The following FANCB variants were observed in gnomAD, a reference collection of about 807,000 sequenced individuals.
FANCB encodes the protein FA complementation group B.
Under a neutral mutation model 38.9 loss-of-function variants are expected in FANCB, and 5 were observed. That is an observed-to-expected ratio of 0.13 (90% CI 0.07 to 0.27). FANCB has a LOEUF of 0.27. FANCB is among the 10% of genes least tolerant of loss of function. FANCB has a pLI of 1.00. For synonymous variants in FANCB, 236 were observed against 215.4 expected, an observed-to-expected ratio of 1.10 and a Z score of -0.84; for missense variants, 573 against 602.7, an observed-to-expected ratio of 0.95 and a Z score of 0.52.
the FANCB span, among the ~76,000 whole-genome samples, chrX:14,783,677 G>T: frequency 9.0e-6 from 1 of 111,524 alleles, no homozygotes; most frequent in Non-Finnish European, 1.9e-5. Context: ...GAACCCAAAA[G>T]GTAAGAATAT....
chrX:14,692,091 T>G, the FANCB span, among the ~76,000 whole-genome samples: 1 of 111,974 alleles, frequency 8.9e-6, no homozygotes, highest in African/African-American at 3.2e-5. Context: ...TCTGACTGCA[T>G]CCACTGAAAG....
Position 14,837,001 on chromosome X carries a change from T to G in FANCB, c.*1567-746A>C, listed in dbSNP as rs2092342944. Among the ~76,000 whole-genome samples the G allele has an allele frequency of 3.6e-5, 4 of 112,370 alleles. No homozygotes were observed. The South Asian group carries it at 1.1e-3, about 31-fold the overall frequency. On this transcript the variant is annotated intron_variant and NMD_transcript_variant, in intron 10 of 10. Coordinates refer to the FANCB transcript ENST00000643728. Reference sequence around the variant, plus strand: ...GTCTTAAATTTATCTGGCACCTAGATGTGCATGAGAATGTGTTCAATGAAA... The same window carrying G: ...GTCTTAAATTTATCTGGCACCTAGAGGTGCATGAGAATGTGTTCAATGAAA...
chrX:14,691,271 CTGTGTGTGTGTGTG>C, the FANCB span, among the ~76,000 whole-genome samples: 1,481 of 85,255 alleles, frequency 0.017, 32 homozygotes, highest in African/African-American at 0.053. Flanking sequence ...TAAATATTGA[CTGTGTGTGTGTGTG>C]TGTGTGTGTG....
intron 4 of FANCB, among the ~76,000 whole-genome samples, chrX:14,858,266 G>A (rs990565400): frequency 3.1e-4 from 34 of 109,843 alleles, no homozygotes; most frequent in African/African-American, 9.6e-4. Context: ...ATAGTGGCGC[G>A]CACCTGTAAT....
chrX:14,716,997 T>G, the FANCB span, among the ~76,000 whole-genome samples: 1 of 110,799 alleles, frequency 9.0e-6, no homozygotes, highest in Non-Finnish European at 1.9e-5. Flanking sequence ...ATATGCCTCC[T>G]ATTATACTCT....
At chrX:14,848,373 G>A (rs1302585624) in intron 7 of FANCB, among the ~76,000 whole-genome samples, 1 of 111,543 alleles carries the variant, frequency 9.0e-6, no homozygotes, top group Non-Finnish European at 1.9e-5. Context: ...CTCTGGGAAT[G>A]GAATGCGACC....
At chrX:14,756,330 A>G in the FANCB span, among the ~76,000 whole-genome samples, 1 of 112,154 alleles carries the variant, frequency 8.9e-6, no homozygotes, top group African/African-American at 3.2e-5. Flanking sequence ...ACAGGATTAC[A>G]TCAAACTAAA....
At chrX:14,857,732 A>C (rs774806710) in intron 5 of FANCB, 130 bp downstream of exon 5, 29 of 531,135 alleles carry the variant, frequency 5.5e-5, no homozygotes, top group Non-Finnish European at 8.0e-5. Context: ...CAAAAAGATA[A>C]AGATCCTTTG....
chrX:14,809,717 C>A, the FANCB span, among the ~76,000 whole-genome samples: 1,595 of 112,803 alleles, frequency 0.014, 26 homozygotes, highest in African/African-American at 0.041. Context: ...CTCAAGGAGG[C>A]CTGCCTGCCT....
the FANCB span, among the ~76,000 whole-genome samples, chrX:14,734,761 T>A: frequency 2.7e-5 from 3 of 110,980 alleles, no homozygotes; most frequent in Admixed American, 2.9e-4. Flanking sequence ...TGAATTTGAA[T>A]GTTGGCCTGT....
chrX:14,693,775 A>G, the FANCB span, among the ~76,000 whole-genome samples: 1 of 112,249 alleles, frequency 8.9e-6, no homozygotes, highest in Non-Finnish European at 1.9e-5. Flanking sequence ...TCAATGGTAC[A>G]AAGATAACTA....
At chrX:14,795,083 A>G in the FANCB span, among the ~76,000 whole-genome samples, 1 of 112,036 alleles carries the variant, frequency 8.9e-6, no homozygotes, top group Admixed American at 9.5e-5. Context: ...TTCAATTTCA[A>G]CACAATGCTT....
chrX:14,724,053 T>G, the FANCB span, among the ~76,000 whole-genome samples: 1 of 112,009 alleles, frequency 8.9e-6, no homozygotes, highest in Non-Finnish European at 1.9e-5. Flanking sequence ...AAACACTCCC[T>G]TCTATGCCAC....
chrX:14,780,664 C>G, the FANCB span, among the ~76,000 whole-genome samples: 6 of 110,549 alleles, frequency 5.4e-5, 1 homozygote, highest in African/African-American at 2.0e-4. Flanking sequence ...GTTTCTGTTG[C>G]AATTACTCAA....
chrX:14,810,057 G>A, the FANCB span, among the ~76,000 whole-genome samples: 1 of 112,146 alleles, frequency 8.9e-6, no homozygotes, highest in East Asian at 2.8e-4. Context: ...GGCAAACAGG[G>A]TCTGGAGTGG....
At chrX:14,798,363 C>G in the FANCB span, among the ~76,000 whole-genome samples, 1 of 110,624 alleles carries the variant, frequency 9.0e-6, no homozygotes, top group Non-Finnish European at 1.9e-5. Flanking sequence ...GGGGTTTCAC[C>G]GTGTTAGCCA....
chrX:14,851,392 C>G (rs1049871428), intron 6 of FANCB, among the ~76,000 whole-genome samples: 1 of 111,864 alleles, frequency 8.9e-6, no homozygotes, highest in African/African-American at 3.3e-5. Context: ...CAGGGTCACA[C>G]AGTTAGCAAG....
intron 3 of FANCB, among the ~76,000 whole-genome samples, chrX:14,864,028 G>A (rs892982990): frequency 1.8e-5 from 2 of 110,792 alleles, no homozygotes; most frequent in South Asian, 3.8e-4. Context: ...CCAGCTACTC[G>A]GGAGGCTGAG....
the FANCB span, among the ~76,000 whole-genome samples, chrX:14,791,125 C>CTGT: frequency 1.8e-5 from 2 of 110,299 alleles, no homozygotes; most frequent in African/African-American, 6.6e-5. Flanking sequence ...AGGTATGACA[C>CTGT]TGTTATGTGT....
Sources: gnomAD v4.1 joint callset for allele counts (sites outside exome capture counted in the v4.1 genomes callset) on GRCh38, gnomAD v4.1.1 for gene constraint, MANE v1.5 for transcripts, NCBI Gene and HGNC (gene_info 2026-07-23, HGNC 2026-07-21) for gene names.